The following IQGAP2 variants were observed in gnomAD, a reference collection of about 807,000 sequenced individuals.
IQGAP2 encodes IQ motif containing GTPase activating protein 2.
In IQGAP2, 173 loss-of-function variants were observed where a neutral mutation model predicts 201.3. The ratio of observed to expected loss-of-function variants is 0.86; its 90% CI spans 0.76 to 0.98. The LOEUF (loss-of-function observed/expected upper bound fraction) is 0.98. IQGAP2 is among the 50% of genes least tolerant of loss of function. The probability of loss-of-function intolerance (pLI) is 0.00; values close to 1 mark genes in which losing one functional copy is unlikely to be tolerated. For synonymous variants in IQGAP2, 675 were observed against 673.9 expected, an observed-to-expected ratio of 1.00 and a Z score of -0.03; for missense variants, 1,687 against 1,864.8, an observed-to-expected ratio of 0.90 and a Z score of 1.76.
chr5:76,587,919 C>G (rs1746362361), intron 5 of IQGAP2, among the ~76,000 whole-genome samples: 1 of 148,870 alleles, frequency 6.7e-6, no homozygotes, highest in Non-Finnish European at 1.5e-5. Flanking sequence ...GCACTCCAGC[C>G]TGGGCGACAG....
At chr5:76,429,497 G>A (rs993888285) in intron 1 of IQGAP2, among the ~76,000 whole-genome samples, 3 of 150,684 alleles carry the variant, frequency 2.0e-5, no homozygotes, top group Non-Finnish European at 4.4e-5. Context: ...GTGTGAACCC[G>A]GGAGGCGGAG....
intron 2 of IQGAP2, among the ~76,000 whole-genome samples, chr5:76,538,226 C>A (rs933982527): frequency 1.3e-5 from 2 of 152,142 alleles, no homozygotes; most frequent in Non-Finnish European, 2.9e-5. Flanking sequence ...TTTGCTGTCA[C>A]GAGAACAGCA....
rs139966649 is a variant in IQGAP2, at chr5:76,428,822, G to A, written c.46+25231G>A. 6.4e-3 allele frequency among the ~76,000 whole-genome samples: 966 copies of A among 151,914 alleles called. 6 individuals are homozygous for A. The highest frequency in any genetic ancestry group is 0.01 in the Non-Finnish European group (708 of 67,962). On this transcript the variant is annotated intron_variant, in intron 1 of 35. Transcript: ENST00000274364. ...AAAAAAGGTTTCTCAGCCAGGTGTG[G>A]TGGCTCATGTCTGTAATCCCAGCAC...
intron 1 of IQGAP2, among the ~76,000 whole-genome samples, chr5:76,456,187 G>T (rs908859273): frequency 6.6e-5 from 10 of 152,168 alleles, no homozygotes; most frequent in Non-Finnish European, 1.0e-4. Flanking sequence ...GATGAGACTC[G>T]AGGGCCTGTG....
intron 21 of IQGAP2, among the ~76,000 whole-genome samples, chr5:76,661,749 G>T (rs1267499527): frequency 1.3e-5 from 2 of 152,172 alleles, no homozygotes; most frequent in African/African-American, 4.8e-5. Context: ...AGGTTAACCT[G>T]TGTAGGTTTA....
In IQGAP2 at chr5:76,637,059, A is replaced by T; in HGVS notation, c.1806A>T (p.Lys602Asn). The T allele has an allele frequency of 6.2e-7, 1 of 1,611,088 alleles. No individual in the cohort carries two copies. Among genetic ancestry groups the T allele is most frequent in the East Asian group, 2.2e-5 (1 of 44,758 alleles). ...TGTCTAGTGACGGTTCATGGCTCAA[A>T]CTCAACCTGCACAAAAAATATGACT... is the stretch of plus-strand genomic sequence containing the variant. ...ERVSSDGSWLKLNLHKKYDYY... is the reference protein window; with the variant it reads ...ERVSSDGSWLNLNLHKKYDYY... The change falls in exon 16 of 36, where the codon AAA (lysine) becomes AAT (asparagine). Residue 602 changes from lysine to asparagine, a missense_variant. Transcript: ENST00000274364.
In IQGAP2 at chr5:76,403,696, T is replaced by C; in HGVS notation, c.46+105T>C. On this transcript the variant is annotated intron_variant, in intron 1 of 35. Coordinates refer to ENST00000274364, the MANE Select transcript of IQGAP2 (RefSeq NM_006633.5). This position sits in a 1 kb window ranked among gnomAD's most constrained non-coding sequence, Gnocchi z 4.8. ...AGCCGGTTGCGCGGCGCAGAGGAAA[T>C]TGGAAGGCAGCAACTGCGCGGCTGG... is the stretch of plus-strand genomic sequence containing the variant. 1.0e-6 allele frequency: 1 copy of C among 994,254 alleles called. No homozygotes were observed. The highest frequency in any genetic ancestry group is 1.4e-6 in the Non-Finnish European group (1 of 729,560). The allele number at this position is 994,254 out of a possible 1,614,324, so 61.6% of individuals were successfully genotyped here.
intron 13 of IQGAP2, among the ~76,000 whole-genome samples, chr5:76,622,124 C>A (rs1749749830): frequency 6.6e-6 from 1 of 152,240 alleles, no homozygotes; most frequent in Non-Finnish European, 1.5e-5. Context: ...TCTCCCCCAC[C>A]CCATGGAAGA....
intron 2 of IQGAP2, among the ~76,000 whole-genome samples, chr5:76,492,734 T>C (rs1580312111): frequency 6.6e-6 from 1 of 152,274 alleles, no homozygotes; most frequent in Middle Eastern, 3.4e-3. Context: ...ACTTTTGCAG[T>C]AGTCTAGGCA....
In IQGAP2 at chr5:76,597,488, C is replaced by G; in HGVS notation, c.957C>G (p.Pro319=). 2 of 1,613,986 alleles carry G rather than the reference C, an allele frequency of 1.2e-6. No homozygotes were observed. The highest frequency in any genetic ancestry group is 1.7e-6 in the Non-Finnish European group (2 of 1,179,962). ...HINAVIPEGD[P]ENTLLALKKP... ...ATGCTGTCATTCCGGAAGGTGACCC[C>G]GAGAATACGCTGCTTGCACTGAAGA... Residue 319 remains proline (P), a synonymous_variant, in exon 10 of 36, where the codon CCC becomes CCG. Transcript: ENST00000274364.
At chr5:76,658,722 C>A in intron 21 of IQGAP2, 55 bp downstream of exon 21, 1 of 1,398,734 alleles carries the variant, frequency 7.1e-7, no homozygotes, top group South Asian at 1.2e-5. Context: ...CGCCTACATA[C>A]AGTCAAGAGT....
intron 12 of IQGAP2, 68 bp from the exon 13 acceptor site, chr5:76,610,952 A>G: frequency 7.5e-7 from 1 of 1,338,408 alleles, no homozygotes; most frequent in African/African-American, 1.5e-5. Flanking sequence ...AGCCTTTTGC[A>G]ATCGGTGATA....
At chr5:76,646,328 A>G (rs1752034362) in intron 17 of IQGAP2, among the ~76,000 whole-genome samples, 2 of 152,226 alleles carry the variant, frequency 1.3e-5, no homozygotes, top group South Asian at 2.1e-4. Context: ...AGCATTTTCT[A>G]AACGGATAAT....
chr5:76,441,755 C>A (rs910601278), intron 1 of IQGAP2, among the ~76,000 whole-genome samples: 1 of 152,132 alleles, frequency 6.6e-6, no homozygotes, highest in African/African-American at 2.4e-5. Flanking sequence ...GATATCAAAA[C>A]TAAAGAAATT....
intron 2 of IQGAP2, among the ~76,000 whole-genome samples, chr5:76,521,823 C>A (rs950953937): frequency 3.9e-5 from 6 of 152,126 alleles, no homozygotes; most frequent in Non-Finnish European, 2.9e-5. Flanking sequence ...TTCTATAGAT[C>A]TGGGATAGGT....
chr5:76,648,323 C>T (rs1370390178), intron 17 of IQGAP2, among the ~76,000 whole-genome samples: 2 of 152,110 alleles, frequency 1.3e-5, no homozygotes, highest in African/African-American at 4.8e-5. Flanking sequence ...AGAACCTAGC[C>T]TTCTCCTCCC....
chr5:76,509,358 TTATAG>T (rs1757813882), intron 2 of IQGAP2, among the ~76,000 whole-genome samples: 1 of 152,068 alleles, frequency 6.6e-6, no homozygotes, highest in Non-Finnish European at 1.5e-5. Flanking sequence ...ACTCTCTCTT[TTATAG>T]TACTTGCCAA....
chr5:76,620,936 A>T (rs1169267754), intron 13 of IQGAP2, among the ~76,000 whole-genome samples: 1 of 152,234 alleles, frequency 6.6e-6, no homozygotes, highest in African/African-American at 2.4e-5. Flanking sequence ...TTAAAGCTCA[A>T]ACCTGAACAT....
At chr5:76,545,431 A>G (rs904747806) in intron 2 of IQGAP2, among the ~76,000 whole-genome samples, 5 of 152,212 alleles carry the variant, frequency 3.3e-5, no homozygotes, top group East Asian at 1.9e-4. Context: ...CTCTGGGCAC[A>G]TGGTGGACTC....
Sources: allele counts gnomAD v4.1 joint callset (sites outside exome capture counted in the v4.1 genomes callset), GRCh38; gene constraint gnomAD v4.1.1; non-coding constraint Gnocchi (gnomAD v3.1); transcripts MANE v1.5; gene names NCBI Gene and HGNC (gene_info 2026-07-23, HGNC 2026-07-21).